Variants in STAT4 observed in about 807,000 individuals in gnomAD.
STAT4 encodes the protein signal transducer and activator of transcription 4.
In STAT4, 42 loss-of-function variants were observed where a neutral mutation model predicts 110.5. The observed-to-expected ratio is 0.38, with a 90% confidence interval of 0.30 to 0.49. STAT4 has a LOEUF of 0.49. STAT4 is among the 20% of genes least tolerant of loss of function. The probability of loss-of-function intolerance (pLI) is 0.95; values close to 1 mark genes in which losing one functional copy is unlikely to be tolerated. For synonymous variants in STAT4, 284 were observed against 302.2 expected, an observed-to-expected ratio of 0.94 and a Z score of 0.63; for missense variants, 632 against 887.9, an observed-to-expected ratio of 0.71 and a Z score of 3.66.
intron 4 of STAT4, among the ~76,000 whole-genome samples, chr2:191,075,224 T>G (rs1355472821): frequency 6.6e-6 from 1 of 152,158 alleles, no homozygotes; most frequent in Non-Finnish European, 1.5e-5. Flanking sequence ...TATGATTTAT[T>G]GAATTATGGA....
At chr2:191,047,972 T>A (rs554444777) in intron 14 of STAT4, among the ~76,000 whole-genome samples, 65 of 152,324 alleles carry the variant, frequency 4.3e-4, no homozygotes, top group African/African-American at 1.5e-3. Context: ...GGTCTATAGT[T>A]TAATTTCTAT....
At chr2:191,151,193 G>A (rs1190060486), upstream of STAT4, 9 of 985,486 alleles carry the variant, frequency 9.1e-6, no homozygotes, top group East Asian at 3.4e-4. The surrounding 1 kb of genome is among the most constrained non-coding windows in gnomAD (Gnocchi z 4.7). Flanking sequence ...TTCACCGGGC[G>A]TCCTCTTCCC....
intron 6 of STAT4, among the ~76,000 whole-genome samples, chr2:191,067,868 G>T (rs1697039208): frequency 6.6e-6 from 1 of 152,174 alleles, no homozygotes; most frequent in Admixed American, 6.5e-5. Flanking sequence ...TGGGAATGCT[G>T]ATTTGACTTG....
At chr2:191,069,214 A>AT (rs1428969920) in intron 6 of STAT4, among the ~76,000 whole-genome samples, 2 of 152,004 alleles carry the variant, frequency 1.3e-5, no homozygotes, top group East Asian at 1.9e-4. Flanking sequence ...CGAGATTTTT[A>AT]TTTTTTTAAT....
At chr2:191,141,602 T>C (rs553616874) in intron 3 of STAT4, among the ~76,000 whole-genome samples, 1 of 138,418 alleles carries the variant, frequency 7.2e-6, no homozygotes, top group African/African-American at 2.6e-5. Flanking sequence ...TATGTGTATA[T>C]ATACACACAC....
chr2:191,054,314 A>C (rs1377235835), intron 14 of STAT4, among the ~76,000 whole-genome samples, 176 bp downstream of exon 14: 3 of 152,004 alleles, frequency 2.0e-5, no homozygotes, highest in Non-Finnish European at 2.9e-5. Context: ...TGTTATTTTC[A>C]TTTTCTCTTT....
At chr2:191,122,755 C>T (rs906099166) in intron 3 of STAT4, among the ~76,000 whole-genome samples, 11 of 152,230 alleles carry the variant, frequency 7.2e-5, no homozygotes, top group African/African-American at 1.4e-4. Context: ...AAGTCTAACT[C>T]CAGAAAATTA....
In STAT4 at chr2:191,060,977, A is replaced by C. The variant is rs1696833076; in HGVS notation, c.1034+752T>G. ...TTAGTCTGTGGTTTCAGCTTTCCAG[A>C]GGTGACCTAGTGATTAGGCCTTTAA... On this transcript the variant is annotated intron_variant, in intron 10 of 23. Transcript: ENST00000392320. This position sits in a 1 kb window ranked among gnomAD's most constrained non-coding sequence, Gnocchi z 4.5. 6.6e-6 allele frequency among the ~76,000 whole-genome samples: 1 copy of C among 152,178 alleles called. No homozygotes were observed. The highest frequency in any genetic ancestry group is 1.5e-5 in the Non-Finnish European group (1 of 68,024).
In STAT4 at chr2:191,032,924, GAAA is replaced by G; in HGVS notation, c.2044+31_2044+33del. Reference sequence around the variant, plus strand: ...TGAGGTTATTTTCCAAAATCTTAAGGAAAAAAAAACAAAAACAAACAGAAAAAC... The same window carrying G: ...TGAGGTTATTTTCCAAAATCTTAAGGAAAAAACAAAAACAAACAGAAAAAC... On this transcript the variant is annotated intron_variant, in intron 21 of 23. Transcript: ENST00000392320. This position sits in a 1 kb window ranked among gnomAD's most constrained non-coding sequence, Gnocchi z 4.9. 6.6e-7 allele frequency: 1 copy of G among 1,516,080 alleles called. No individual in the cohort carries two copies. The highest frequency in any genetic ancestry group is 8.9e-7 in the Non-Finnish European group (1 of 1,122,972). The allele number at this position is 1,516,080 out of a possible 1,614,324, so 93.9% of individuals were successfully genotyped here.
intron 14 of STAT4, among the ~76,000 whole-genome samples, chr2:191,048,630 C>T (rs1408284265): frequency 6.7e-6 from 1 of 149,082 alleles, no homozygotes; most frequent in African/African-American, 2.5e-5. Flanking sequence ...AAAAAAAATG[C>T]AAACAATTAG....
Position 191,082,490 on chromosome 2 carries a change from G to A in STAT4, c.274-6165C>T, listed in dbSNP as rs1697511418. Among the ~76,000 whole-genome samples, 1 of 152,214 alleles carries A rather than the reference G, an allele frequency of 6.6e-6. No individual in the cohort carries two copies. Among genetic ancestry groups the A allele is most frequent in the African/African-American group, 2.4e-5 (1 of 41,464 alleles). Reference sequence around the variant, plus strand: ...GTTTCACATCACAGGCAATGACAACGATGTTGTGATTGCCACATGGCAACA... The same window carrying A: ...GTTTCACATCACAGGCAATGACAACAATGTTGTGATTGCCACATGGCAACA... On this transcript the variant is annotated intron_variant, in intron 3 of 23. Coordinates refer to ENST00000392320, the MANE Select transcript of STAT4 (RefSeq NM_003151.4). The surrounding 1 kb of genome is among the most constrained non-coding windows in gnomAD (Gnocchi z 4.7).
intron 3 of STAT4, among the ~76,000 whole-genome samples, chr2:191,101,123 A>G (rs1698138929): frequency 6.6e-6 from 1 of 152,154 alleles, no homozygotes; most frequent in Non-Finnish European, 1.5e-5. Context: ...ATAAAGGTCA[A>G]TTATATTTTT....
intron 3 of STAT4, among the ~76,000 whole-genome samples, chr2:191,109,308 G>C (rs1367882129): frequency 6.8e-6 from 1 of 147,074 alleles, no homozygotes; most frequent in Non-Finnish European, 1.5e-5. Context: ...TTTGTTTTTT[G>C]TTTTTTTTTT....
intron 8 of STAT4, among the ~76,000 whole-genome samples, chr2:191,064,445 C>T (rs1559050553): frequency 6.6e-6 from 1 of 152,200 alleles, no homozygotes; most frequent in Admixed American, 6.5e-5. Flanking sequence ...ATGTTGAAAA[C>T]ACAGAACTAA....
intron 5 of STAT4, among the ~76,000 whole-genome samples, chr2:191,070,880 C>T (rs1159451139): frequency 6.6e-6 from 1 of 152,096 alleles, no homozygotes; most frequent in East Asian, 1.9e-4. Flanking sequence ...AGAAGGATAA[C>T]AGTATCTACT....
rs759048381 is a variant in STAT4, at chr2:191,033,075, G to T, written c.1927C>A (p.Arg643=). 2.8e-5 allele frequency: 45 copies of T among 1,614,054 alleles called. No individual in the cohort carries two copies. The highest frequency in any genetic ancestry group is 4.0e-5 in the African/African-American group (3 of 74,922). ...TCAGCCATAATAACTTTGTAGTCTC[G>T]CAGGATGTCAGCGAATGGCAGAGCA... ...LSALPFADIL[R]DYKVIMAENI... is the part of the protein sequence containing the mutation. The change falls in exon 21 of 24, where the codon CGA becomes AGA. Residue 643 remains arginine, a synonymous_variant. Transcript: ENST00000392320. This position sits in a 1 kb window ranked among gnomAD's most constrained non-coding sequence, Gnocchi z 6.9.
In STAT4 at chr2:191,082,485, A is replaced by G. The variant is rs958150740; in HGVS notation, c.274-6160T>C. 6.6e-6 allele frequency among the ~76,000 whole-genome samples: 1 copy of G among 152,272 alleles called. No homozygotes were observed. Among genetic ancestry groups the G allele is most frequent in the African/African-American group, 2.4e-5 (1 of 41,480 alleles). ...ACCCAGTTTCACATCACAGGCAATG[A>G]CAACGATGTTGTGATTGCCACATGG... On this transcript the variant is annotated intron_variant, in intron 3 of 23. Transcript: ENST00000392320. The surrounding 1 kb of genome is among the most constrained non-coding windows in gnomAD (Gnocchi z 4.7).
Position 191,031,441 on chromosome 2 carries a change from A to G in STAT4, c.2111+9T>C. 1.2e-6 allele frequency: 2 copies of G among 1,609,556 alleles called. No homozygotes were observed. The highest frequency in any genetic ancestry group is 2.2e-5 in the South Asian group (2 of 90,330). On this transcript the variant is annotated intron_variant, in intron 22 of 23. Coordinates refer to ENST00000392320, the MANE Select transcript of STAT4 (RefSeq NM_003151.4). This position sits in a 1 kb window ranked among gnomAD's most constrained non-coding sequence, Gnocchi z 4.8. Reference sequence around the variant, plus strand: ...TAAAAATATTTCACATGTGACTAACATTACTCACATTGTTGAGATGGGGAT... The same window carrying G: ...TAAAAATATTTCACATGTGACTAACGTTACTCACATTGTTGAGATGGGGAT...
chr2:191,111,833 C>T (rs11683169), intron 3 of STAT4, among the ~76,000 whole-genome samples: 3 of 152,036 alleles, frequency 2.0e-5, no homozygotes, highest in Non-Finnish European at 4.4e-5. Context: ...GCATTCAAGC[C>T]TGAGCAACAG....
Sources: allele counts gnomAD v4.1 joint callset (sites outside exome capture counted in the v4.1 genomes callset), GRCh38; gene constraint gnomAD v4.1.1; non-coding constraint Gnocchi (gnomAD v3.1); transcripts MANE v1.5; gene names NCBI Gene and HGNC (gene_info 2026-07-23, HGNC 2026-07-21).